The following PCGF5 variants were observed in gnomAD, a reference collection of about 807,000 sequenced individuals.
PCGF5 encodes the protein polycomb group ring finger 5.
A neutral mutation model predicts 44.3 loss-of-function variants in PCGF5; 9 were observed. The observed-to-expected ratio is 0.20, with a 90% confidence interval of 0.12 to 0.35. PCGF5 has a LOEUF of 0.35. Ranked by LOEUF, PCGF5 falls within the 10% of genes least tolerant of loss-of-function variation. The pLI, the probability that PCGF5 is intolerant of heterozygous loss-of-function variation, is 1.00. For synonymous variants in PCGF5, 95 were observed against 102.5 expected (o/e 0.93, Z 0.44); for missense variants, 146 against 305.3 (o/e 0.48, Z 3.89).
intron 3 of PCGF5, among the ~76,000 whole-genome samples, chr10:91,242,395 TATA>T (rs1252846074): frequency 1.0e-4 from 15 of 150,504 alleles, no homozygotes; most frequent in South Asian, 4.2e-4. Flanking sequence ...TGTTAAAATC[TATA>T]ATAACTTATT....
At chr10:91,160,489 A>G (rs1230520000), upstream of PCGF5, among the ~76,000 whole-genome samples, 1 of 152,204 alleles carries the variant, frequency 6.6e-6, no homozygotes, top group African/African-American at 2.4e-5. Flanking sequence ...GAACGTTTGT[A>G]AAATATCTAC....
chr10:91,235,560 C>T (rs1158394650), intron 2 of PCGF5, among the ~76,000 whole-genome samples: 8 of 151,718 alleles, frequency 5.3e-5, no homozygotes, highest in South Asian at 2.1e-4. Flanking sequence ...AAAAATTAGC[C>T]GGGCATGGTG....
intron 6 of PCGF5, among the ~76,000 whole-genome samples, chr10:91,258,784 C>T (rs1190738627): frequency 6.6e-6 from 1 of 152,004 alleles, no homozygotes; most frequent in Non-Finnish European, 1.5e-5. Context: ...CTTCTGTTTT[C>T]TTTTAATGGA....
intron 6 of PCGF5, among the ~76,000 whole-genome samples, chr10:91,260,925 G>A (rs903639142): frequency 4.0e-5 from 6 of 151,666 alleles, no homozygotes; most frequent in East Asian, 3.9e-4. Context: ...AAACCTGCAC[G>A]TTGTGCACAT....
At chr10:91,260,201 T>C (rs117050308) in intron 6 of PCGF5, among the ~76,000 whole-genome samples, 19,410 of 151,550 alleles carry the variant, frequency 0.13, 2,339 homozygotes, top group African/African-American at 0.31. Flanking sequence ...CCAACAGACA[T>C]GTGAAAAAAT....
intron 1 of PCGF5, among the ~76,000 whole-genome samples, chr10:91,179,473 G>A (rs1366853110): frequency 6.6e-6 from 1 of 152,152 alleles, no homozygotes; most frequent in East Asian, 1.9e-4. Flanking sequence ...CCCATTAGTT[G>A]TTTCTCCTGA....
intron 6 of PCGF5, among the ~76,000 whole-genome samples, chr10:91,256,882 C>G (rs1234703264): frequency 1.3e-5 from 2 of 151,950 alleles, no homozygotes; most frequent in Non-Finnish European, 2.9e-5. Flanking sequence ...TAAGATATTC[C>G]CATGACCTTG....
chr10:91,220,075 C>G (rs1844626425), upstream of PCGF5: 1 of 149,782 alleles, frequency 6.7e-6, no homozygotes, highest in Non-Finnish European at 1.5e-5. Flanking sequence ...AGAAAGAGTA[C>G]TGGGTTTTTG....
At chr10:91,258,488 G>A (rs1845813751) in intron 6 of PCGF5, among the ~76,000 whole-genome samples, 1 of 152,070 alleles carries the variant, frequency 6.6e-6, no homozygotes, top group Non-Finnish European at 1.5e-5. Flanking sequence ...TCAGCCCTCA[G>A]TTTCAGATTT....
rs1846374028 is a variant in PCGF5 at position 91,278,586 on chromosome 10, G to T, written c.*270G>T. On this transcript the variant is annotated 3_prime_UTR_variant, in exon 10 of 10. Transcript: ENST00000336126. ...ATGGTAAAAATCAGTTAGCTGTGCC[G>T]CCATGATTCACCCTTCTGAATATTT... is the stretch of plus-strand genomic sequence containing the variant. The T allele has an allele frequency of 2.5e-6, 1 of 406,392 alleles. No homozygotes were observed. Among genetic ancestry groups the T allele is most frequent in the South Asian group, 5.1e-5 (1 of 19,586 alleles). The allele number at this position is 406,392 out of a possible 1,614,324, so 25.2% of individuals were successfully genotyped here. A position where few individuals can be genotyped will look rare whatever the true frequency, so the allele number is the denominator to read the frequency against.
intron 1 of PCGF5, among the ~76,000 whole-genome samples, chr10:91,179,351 T>A (rs1046720353): frequency 2.6e-5 from 4 of 152,204 alleles, no homozygotes; most frequent in African/African-American, 9.6e-5. Flanking sequence ...ATTAATCTTT[T>A]AAAAATTTAT....
rs755259056 is a variant in PCGF5, at chr10:91,222,843, C to T, written c.-29C>T. On this transcript the variant is annotated 5_prime_UTR_variant, in exon 2 of 10. Coordinates refer to ENST00000336126, the MANE Select transcript of PCGF5 (RefSeq NM_032373.5). ...TACTTAGGACCCCTCTTTGCCCAGACTACTAAAGCCAGTCTTCACTAGCCA... is the reference window on the plus strand; with the variant it reads ...TACTTAGGACCCCTCTTTGCCCAGATTACTAAAGCCAGTCTTCACTAGCCA... The T allele has an allele frequency of 2.8e-6, 4 of 1,405,456 alleles. No individual in the cohort carries two copies. The highest frequency in any genetic ancestry group is 3.0e-6 in the Non-Finnish European group (3 of 990,580). 87.1% of individuals were successfully genotyped at this position (1,405,456 alleles called of 1,614,324 possible).
intron 1 of PCGF5, among the ~76,000 whole-genome samples, chr10:91,184,763 G>C (rs1843887846): frequency 6.6e-6 from 1 of 151,556 alleles, no homozygotes; most frequent in South Asian, 2.1e-4. Flanking sequence ...CTACTTTTCT[G>C]TAGTGCTGCT....
chr10:91,202,900 G>A (rs1243783927), intron 1 of PCGF5, among the ~76,000 whole-genome samples: 1 of 152,114 alleles, frequency 6.6e-6, no homozygotes, highest in African/African-American at 2.4e-5. Context: ...GTTCAGATGA[G>A]GGGATATTTT....
intron 1 of PCGF5, among the ~76,000 whole-genome samples, chr10:91,180,293 G>T (rs970358292): frequency 1.4e-4 from 21 of 152,128 alleles, no homozygotes; most frequent in African/African-American, 5.1e-4. Flanking sequence ...CATTCTGTAG[G>T]TTGTCTGTTT....
At chr10:91,157,991 C>T in the PCGF5 span, among the ~76,000 whole-genome samples, 1 of 152,060 alleles carries the variant, frequency 6.6e-6, no homozygotes, top group Non-Finnish European at 1.5e-5. Flanking sequence ...ATTAGTCTGG[C>T]CTTGAAGTAA....
chr10:91,247,382 A>G (rs776120712), intron 3 of PCGF5, among the ~76,000 whole-genome samples: 16 of 152,166 alleles, frequency 1.1e-4, no homozygotes, highest in Non-Finnish European at 2.1e-4. Context: ...AAGAAGCAAA[A>G]CAGAGTATGT....
At chr10:91,170,604 C>T (rs552009414) in intron 1 of PCGF5, among the ~76,000 whole-genome samples, 7 of 152,186 alleles carry the variant, frequency 4.6e-5, no homozygotes, top group Non-Finnish European at 1.0e-4. Flanking sequence ...AGAACACTGA[C>T]AACAGCAAAT....
upstream of PCGF5, among the ~76,000 whole-genome samples, chr10:91,162,185 C>A (rs1843397716): frequency 6.6e-6 from 1 of 151,296 alleles, no homozygotes; most frequent in Non-Finnish European, 1.5e-5. Context: ...GGAGGGGAGA[C>A]TGAAAAATGG....
Sources: gnomAD v4.1 joint callset for allele counts (sites outside exome capture counted in the v4.1 genomes callset) on GRCh38, gnomAD v4.1.1 for gene constraint, MANE v1.5 for transcripts, NCBI Gene and HGNC (gene_info 2026-07-23, HGNC 2026-07-21) for gene names.